Variants in PTDSS1 observed in about 807,000 individuals in gnomAD.
PTDSS1 encodes phosphatidylserine synthase 1.
Under a neutral mutation model 70.5 loss-of-function variants are expected in PTDSS1, and 45 were observed. The ratio of observed to expected loss-of-function variants is 0.64; its 90% CI spans 0.50 to 0.82. PTDSS1 has a LOEUF of 0.82. PTDSS1 is among the 40% of genes least tolerant of loss of function. The probability of loss-of-function intolerance (pLI) is 0.00; values close to 1 mark genes in which losing one functional copy is unlikely to be tolerated. For missense variants in PTDSS1, 417 were observed against 586.1 expected (o/e 0.71, Z 2.98); for synonymous variants, 188 against 203.8 (o/e 0.92, Z 0.66).
intron 12 of PTDSS1, 87 bp from the exon 13 acceptor site, chr8:96,333,370 C>T: frequency 4.2e-6 from 5 of 1,196,418 alleles, no homozygotes; most frequent in Non-Finnish European, 6.2e-6. Context: ...AGAACCTGTT[C>T]CCCGGCAAGC....
At chr8:96,270,268 C>T (rs529685007) in intron 1 of PTDSS1, among the ~76,000 whole-genome samples, 19 of 152,214 alleles carry the variant, frequency 1.2e-4, no homozygotes, top group African/African-American at 4.3e-4. Context: ...TAGTGGCTGT[C>T]CATGGATACT....
intron 6 of PTDSS1, among the ~76,000 whole-genome samples, chr8:96,300,107 C>T (rs999591530): frequency 1.3e-5 from 2 of 152,136 alleles, no homozygotes; most frequent in East Asian, 1.9e-4. Flanking sequence ...CTGAAATCCA[C>T]CCCCACTCTT....
chr8:96,284,403 T>C (rs532787023), intron 3 of PTDSS1, among the ~76,000 whole-genome samples: 33 of 152,344 alleles, frequency 2.2e-4, no homozygotes, highest in African/African-American at 7.7e-4. Context: ...TGTCTCTTAA[T>C]GTACACAGGA....
At chr8:96,266,949 G>C (rs563047815) in intron 1 of PTDSS1, among the ~76,000 whole-genome samples, 6 of 152,250 alleles carry the variant, frequency 3.9e-5, no homozygotes, top group Non-Finnish European at 7.4e-5. Context: ...ATGGGCACTT[G>C]GGTGACTTAA....
In PTDSS1 at chr8:96,331,183, G is replaced by C; in HGVS notation, c.1312+88G>C. ...TATTCTTTGAGTGGAGATGATATAA[G>C]CCTTGAAGGGTCTCAGGCCTACCCA... On this transcript the variant is annotated intron_variant, in intron 12 of 12. Transcript: ENST00000517309. 5.5e-6 allele frequency: 7 copies of C among 1,274,092 alleles called. No homozygotes were observed. The South Asian group carries it at 8.7e-5, about 16-fold the overall frequency. The allele number at this position is 1,274,092 out of a possible 1,614,324, so 78.9% of individuals were successfully genotyped here.
chr8:96,307,994 T>A (rs1481865727), intron 8 of PTDSS1, among the ~76,000 whole-genome samples: 1 of 152,190 alleles, frequency 6.6e-6, no homozygotes, highest in Non-Finnish European at 1.5e-5. Flanking sequence ...CTTACACTGT[T>A]TGAGGCAGTT....
At chr8:96,309,387 C>T (rs921664866) in intron 8 of PTDSS1, 170 bp from the exon 9 acceptor site, 2 of 519,402 alleles carry the variant, frequency 3.9e-6, no homozygotes, top group African/African-American at 3.8e-5. Flanking sequence ...GAATCTCTTA[C>T]AGGAATGTTT....
intron 10 of PTDSS1, among the ~76,000 whole-genome samples, chr8:96,327,095 G>A (rs1383583275): frequency 6.6e-6 from 1 of 152,190 alleles, no homozygotes; most frequent in Non-Finnish European, 1.5e-5. Flanking sequence ...GGAACCTTTA[G>A]AATTTACAGG....
chr8:96,295,336 A>G, intron 5 of PTDSS1, 80 bp downstream of exon 5: 1 of 1,412,744 alleles, frequency 7.1e-7, no homozygotes, highest in Non-Finnish European at 9.4e-7. Context: ...GTCAGTTAAC[A>G]GTCAGTTAAT....
chr8:96,328,859 C>T (rs2130180757), intron 10 of PTDSS1, among the ~76,000 whole-genome samples: 1 of 152,254 alleles, frequency 6.6e-6, no homozygotes, highest in Non-Finnish European at 1.5e-5. Context: ...TCACTGTTCC[C>T]ATGATGCTTT....
intron 4 of PTDSS1, 134 bp from the exon 5 acceptor site, chr8:96,294,964 A>G: frequency 1.2e-6 from 1 of 813,776 alleles, no homozygotes; most frequent in Non-Finnish European, 1.8e-6. Flanking sequence ...AGTTATTAAA[A>G]CTTTCTCATT....
At chr8:96,290,087 G>A (rs78124735) in intron 4 of PTDSS1, among the ~76,000 whole-genome samples, 5,295 of 152,208 alleles carry the variant, frequency 0.035, 132 homozygotes, top group Non-Finnish European at 0.051. Context: ...TACAGGGGAG[G>A]AGATGGAAGC....
At chr8:96,311,963 C>T (rs963914997) in intron 9 of PTDSS1, among the ~76,000 whole-genome samples, 23 of 152,304 alleles carry the variant, frequency 1.5e-4, no homozygotes, top group African/African-American at 5.1e-4. Context: ...ATTCTTTCCA[C>T]GTGCATTTTG....
At chr8:96,264,032 T>G (rs773222754) in intron 1 of PTDSS1, among the ~76,000 whole-genome samples, 11 of 152,236 alleles carry the variant, frequency 7.2e-5, no homozygotes, top group Non-Finnish European at 1.3e-4. Context: ...TTGCCACTAT[T>G]ACTATAAAAT....
chr8:96,291,588 G>T (rs138932701), intron 4 of PTDSS1, among the ~76,000 whole-genome samples: 1 of 151,754 alleles, frequency 6.6e-6, no homozygotes, highest in African/African-American at 2.4e-5. Context: ...TTTACACATT[G>T]CATATGATAT....
intron 6 of PTDSS1, among the ~76,000 whole-genome samples, chr8:96,302,098 A>G (rs1375467530): frequency 6.6e-6 from 1 of 152,096 alleles, no homozygotes; most frequent in African/African-American, 2.4e-5. Context: ...AACTCACTGC[A>G]GTCTCCACTT....
At chr8:96,329,943 C>T (rs1183189425) in intron 10 of PTDSS1, among the ~76,000 whole-genome samples, 1 of 152,196 alleles carries the variant, frequency 6.6e-6, no homozygotes, top group Non-Finnish European at 1.5e-5. Context: ...AAATGCATCC[C>T]ACCATATTGC....
chr8:96,275,624 T>C (rs7014812), intron 2 of PTDSS1, among the ~76,000 whole-genome samples: 11,260 of 152,244 alleles, frequency 0.074, 463 homozygotes, highest in African/African-American at 0.083. Flanking sequence ...GTGGGTTCCC[T>C]GAGCTCTTTC....
At chr8:96,331,320 G>C (rs1003729951) in intron 12 of PTDSS1, among the ~76,000 whole-genome samples, 7 of 151,832 alleles carry the variant, frequency 4.6e-5, no homozygotes, top group Non-Finnish European at 8.8e-5. Flanking sequence ...TTGAGATCAG[G>C]AGTTCGAGAC....
Sources: allele counts gnomAD v4.1 joint callset (sites outside exome capture counted in the v4.1 genomes callset), GRCh38; gene constraint gnomAD v4.1.1; transcripts MANE v1.5; gene names NCBI Gene and HGNC (gene_info 2026-07-23, HGNC 2026-07-21).